The following SNRNP200 variants were observed in gnomAD, a reference collection of about 807,000 sequenced individuals.
SNRNP200 encodes the protein U5 small nuclear ribonucleoprotein 200 kDa helicase.
A neutral mutation model predicts 255.2 loss-of-function variants in SNRNP200; 66 were observed. That is an observed-to-expected ratio of 0.26 (90% CI 0.21 to 0.32). SNRNP200 has a LOEUF of 0.32. SNRNP200 is among the 10% of genes least tolerant of loss of function. The probability of loss-of-function intolerance (pLI) is 1.00; values close to 1 mark genes in which losing one functional copy is unlikely to be tolerated. For synonymous variants in SNRNP200, 939 were observed against 1,027.8 expected, an observed-to-expected ratio of 0.91 and a Z score of 1.65; for missense variants, 1,585 against 2,749.8, an observed-to-expected ratio of 0.58 and a Z score of 9.47.
Position 96,275,314 on chromosome 2 carries a change from A to G in SNRNP200, c.6210T>C (p.Asp2070=), listed in dbSNP as rs2104327396. The G allele has an allele frequency of 6.2e-7, 1 of 1,613,774 alleles. No individual in the cohort carries two copies. Among genetic ancestry groups the G allele is most frequent in the Non-Finnish European group, 8.5e-7 (1 of 1,180,034 alleles). ...TGGAGATGAGGCTATTGGACTTGGC[A>G]TCTCCAATCACCACCCACCAGCCCT... ...REEGWWVVIG[D]AKSNSLISIK... is the part of the protein sequence containing the mutation. Residue 2070 remains aspartate, a synonymous_variant, in exon 44 of 45, where the codon GAT becomes GAC. Transcript: ENST00000323853.
At position 96,278,898 on chromosome 2, in the gene SNRNP200, A is replaced by C; in HGVS notation, c.5234T>G (p.Ile1745Ser). ...HFNAEIVTKTIENKQDAVDYL... is the reference protein window; with the variant it reads ...HFNAEIVTKTSENKQDAVDYL... ...GTCCACAGCATCCTGCTTGTTCTCA[A>C]TGGTCTTGGTGACGATCTCAGCATT... Residue 1745 changes from isoleucine (I) to serine (S), a missense_variant, in exon 37 of 45, where the codon ATT becomes AGT. Coordinates refer to ENST00000323853, the MANE Select transcript of SNRNP200 (RefSeq NM_014014.5). This position sits in a 1 kb window ranked among gnomAD's most constrained non-coding sequence, Gnocchi z 6.9. 3 of 1,614,104 alleles carry C rather than the reference A, an allele frequency of 1.9e-6. No individual in the cohort carries two copies. Among genetic ancestry groups the C allele is most frequent in the Non-Finnish European group, 2.5e-6 (3 of 1,180,008 alleles).
intron 44 of SNRNP200, 49 bp from the exon 45 acceptor site, chr2:96,275,204 T>A: frequency 1.2e-6 from 2 of 1,614,024 alleles, no homozygotes; most frequent in Non-Finnish European, 1.7e-6. Context: ...CAGGAAGCAT[T>A]CTCACCCTTC....
rs776770253 is a variant in SNRNP200 at position 96,277,043 on chromosome 2, T to G, written c.6092+38A>C. On this transcript the variant is annotated intron_variant, in intron 42 of 44. Coordinates refer to ENST00000323853, the MANE Select transcript of SNRNP200 (RefSeq NM_014014.5). This position sits in a 1 kb window ranked among gnomAD's most constrained non-coding sequence, Gnocchi z 4.4. The stretch of plus-strand genomic sequence containing the variant: ...ATGGGGCAGTGGGCTCAGAGCACAC[T>G]ATTATGCTGTGCCCAACAGGCACCA... 1.2e-6 allele frequency: 2 copies of G among 1,613,780 alleles called. No homozygotes were observed. The highest frequency in any genetic ancestry group is 3.3e-5 in the Admixed American group (2 of 60,018).
chr2:96,286,175 G>A lies in SNRNP200; in HGVS notation c.4003+136C>T. On this transcript the variant is annotated intron_variant, in intron 29 of 44. Coordinates refer to ENST00000323853, the MANE Select transcript of SNRNP200 (RefSeq NM_014014.5). This position sits in a 1 kb window ranked among gnomAD's most constrained non-coding sequence, Gnocchi z 4.8. Reference sequence around the variant, plus strand: ...GCTTCTGACAAAGGAAAAAGTCCTGGTGGGTCCCAGCGGTCACACTGAGGA... The same window carrying A: ...GCTTCTGACAAAGGAAAAAGTCCTGATGGGTCCCAGCGGTCACACTGAGGA... The A allele has an allele frequency of 1.2e-6, 1 of 860,576 alleles. No homozygotes were observed. Among genetic ancestry groups the A allele is most frequent in the East Asian group, 2.4e-5 (1 of 41,096 alleles). 53.3% of individuals were successfully genotyped at this position (860,576 alleles called of 1,614,324 possible).
At position 96,295,755 on chromosome 2, in the gene SNRNP200, G is replaced by GT. The variant is rs950654983; in HGVS notation, c.1672-98dup. The GT allele has an allele frequency of 4.7e-6, 6 of 1,275,000 alleles. No homozygotes were observed. In the African/African-American group the frequency reaches 5.9e-5, roughly 13 times the overall value. 79.0% of individuals were successfully genotyped at this position (1,275,000 alleles called of 1,614,324 possible). A position where few individuals can be genotyped will look rare whatever the true frequency, so the allele number is the denominator to read the frequency against. ...TTGGAGTGTAGGGCATTGGGAGCAG[G>GT]TATCAACCCATCAGGTGAATACAAG... On this transcript the variant is annotated intron_variant, in intron 13 of 44. Transcript: ENST00000323853.
At position 96,277,431 on chromosome 2, in the gene SNRNP200, T is replaced by C; in HGVS notation, c.5931+108A>G. 7.1e-7 allele frequency: 1 copy of C among 1,407,980 alleles called. No individual in the cohort carries two copies. The highest frequency in any genetic ancestry group is 1.0e-6 in the Non-Finnish European group (1 of 1,000,242). The allele number at this position is 1,407,980 out of a possible 1,614,324, so 87.2% of individuals were successfully genotyped here. A position where few individuals can be genotyped will look rare whatever the true frequency, so the allele number is the denominator to read the frequency against. The stretch of plus-strand genomic sequence containing the variant: ...ACAGGGAGCACCTTCGGAGGAACCA[T>C]AACTAAAAGTTTAACTTACTGAGAC... On this transcript the variant is annotated intron_variant, in intron 41 of 44. Transcript: ENST00000323853. This position sits in a 1 kb window ranked among gnomAD's most constrained non-coding sequence, Gnocchi z 4.4.
chr2:96,290,355 T>G lies in SNRNP200; in HGVS notation c.2713A>C (p.Ile905Leu). The change falls in exon 20 of 45, where the codon ATC becomes CTC. Residue 905 changes from isoleucine to leucine, a missense_variant. Coordinates refer to ENST00000323853, the MANE Select transcript of SNRNP200 (RefSeq NM_014014.5). The surrounding 1 kb of genome is among the most constrained non-coding windows in gnomAD (Gnocchi z 4.5). ...GCATTCTGGACATTTCCTAGCACGA[T>G]TTCTGCATTGAGCATGTCAGGAAGC... The part of the protein sequence containing the change: ...SKLPDMLNAE[I>L]VLGNVQNAKD... 6.2e-7 allele frequency: 1 copy of G among 1,614,154 alleles called. No homozygotes were observed. Among genetic ancestry groups the G allele is most frequent in the Non-Finnish European group, 8.5e-7 (1 of 1,180,026 alleles).
At chr2:96,288,111 G>A (rs888400525) in intron 24 of SNRNP200, 142 bp from the exon 25 acceptor site, 14 of 748,248 alleles carry the variant, frequency 1.9e-5, no homozygotes, top group Admixed American at 7.9e-5. Flanking sequence ...CTGTCTTTAC[G>A]CCTTTCTCCG....
chr2:96,285,056 G>A (rs1409006954), intron 30 of SNRNP200, 124 bp downstream of exon 30: 1 of 1,216,230 alleles, frequency 8.2e-7, no homozygotes, highest in South Asian at 1.3e-5. Context: ...GGCTGGGGCA[G>A]CTTTTCTTTA....
In SNRNP200 at chr2:96,289,780, A is replaced by C. The variant is rs370860108; in HGVS notation, c.2940+19T>G. 3.1e-6 allele frequency: 5 copies of C among 1,613,378 alleles called. No homozygotes were observed. The highest frequency in any genetic ancestry group is 4.2e-6 in the Non-Finnish European group (5 of 1,179,882). The stretch of plus-strand genomic sequence containing the variant: ...AACTTTTGCTGAGACCTTTGCCTCA[A>C]AACCCTCACCCCACGCACCTGGAAG... On this transcript the variant is annotated intron_variant, in intron 21 of 44. Coordinates refer to ENST00000323853, the MANE Select transcript of SNRNP200 (RefSeq NM_014014.5).
Position 96,286,961 on chromosome 2 carries a change from G to A in SNRNP200, c.3639+45C>T. ...TCCATCTCCTCGGCCCAGCAACGTA[G>A]ACTGAGCACCTCCAATCCAGCACCT... On this transcript the variant is annotated intron_variant, in intron 27 of 44. Transcript: ENST00000323853. The surrounding 1 kb of genome is among the most constrained non-coding windows in gnomAD (Gnocchi z 4.8). The A allele has an allele frequency of 6.2e-7, 1 of 1,613,888 alleles. No individual in the cohort carries two copies. The highest frequency in any genetic ancestry group is 8.5e-7 in the Non-Finnish European group (1 of 1,179,788).
intron 43 of SNRNP200, 148 bp downstream of exon 43, chr2:96,276,756 C>T (rs1367909952): frequency 1.2e-6 from 1 of 858,544 alleles, no homozygotes; most frequent in Non-Finnish European, 2.0e-6. Context: ...GAAAAAAAAC[C>T]CCATAGCCTC....
chr2:96,276,764 C>A, intron 43 of SNRNP200, 140 bp downstream of exon 43: 1 of 894,600 alleles, frequency 1.1e-6, no homozygotes, highest in Non-Finnish European at 1.9e-6. Context: ...ACCCCATAGC[C>A]TCAAGATTAA....
At chr2:96,284,253 G>T (rs1254948389) in intron 31 of SNRNP200, 105 bp downstream of exon 31, 4 of 1,029,968 alleles carry the variant, frequency 3.9e-6, no homozygotes, top group Non-Finnish European at 6.0e-6. Context: ...GAATCCTCTG[G>T]GGAGAAGCCC....
chr2:96,283,131 G>T lies in SNRNP200; in HGVS notation c.4915+70C>A. On this transcript the variant is annotated intron_variant, in intron 34 of 44. Coordinates refer to ENST00000323853, the MANE Select transcript of SNRNP200 (RefSeq NM_014014.5). This position sits in a 1 kb window ranked among gnomAD's most constrained non-coding sequence, Gnocchi z 4.7. ...TGCTGTAGAGAAAACACTGCCACCC[G>T]CACCCCTCAAGTTTAACACCACCAC... The T allele has an allele frequency of 6.3e-7, 1 of 1,581,442 alleles. No homozygotes were observed. Among genetic ancestry groups the T allele is most frequent in the Non-Finnish European group, 8.7e-7 (1 of 1,155,952 alleles).
At position 96,284,022 on chromosome 2, in the gene SNRNP200, GGGAGGGT is replaced by G; in HGVS notation, c.4393-25_4393-19del. ...AAGACAGGCTGGAAAGAGGGAGGGAGGGAGGGTCACTGCAGGCCAAGGCTCCCATCCT... is the reference window on the plus strand; with the variant it reads ...AAGACAGGCTGGAAAGAGGGAGGGAGCACTGCAGGCCAAGGCTCCCATCCT... On this transcript the variant is annotated intron_variant, in intron 31 of 44. Coordinates refer to ENST00000323853, the MANE Select transcript of SNRNP200 (RefSeq NM_014014.5). 1.9e-6 allele frequency: 3 copies of G among 1,546,286 alleles called. No individual in the cohort carries two copies. The highest frequency in any genetic ancestry group is 2.6e-6 in the Non-Finnish European group (3 of 1,135,678).
chr2:96,281,534 T>C, intron 35 of SNRNP200: 1 of 415,730 alleles, frequency 2.4e-6, no homozygotes. Flanking sequence ...TTTCCTAATC[T>C]ACAAGATGTC....
rs746582158 is a variant in SNRNP200, at chr2:96,275,114, G to A, written c.6309C>T (p.Asn2103=). The change falls in exon 45 of 45, where the codon AAC becomes AAT. Residue 2103 remains asparagine (N), a synonymous_variant. Coordinates refer to ENST00000323853, the MANE Select transcript of SNRNP200 (RefSeq NM_014014.5). ...CGTCACTCATGAAGTACAGAGTGTA[G>A]TTGTGGGCACCAGTGGCTGGGGCCA... The part of the protein sequence containing the change: ...DFVAPATGAH[N]YTLYFMSDAY... The A allele has an allele frequency of 6.2e-6, 10 of 1,614,248 alleles. No homozygotes were observed. Among genetic ancestry groups the A allele is most frequent in the Middle Eastern group, 3.3e-4 (2 of 6,062 alleles).
rs142971592 is a variant in SNRNP200, at chr2:96,299,481, C to A, written c.631-54G>T. 157 of 1,424,386 alleles carry A rather than the reference C, an allele frequency of 1.1e-4. No homozygotes were observed. In the East Asian group the frequency reaches 3.4e-3, roughly 31 times the overall value. 88.2% of individuals were successfully genotyped at this position (1,424,386 alleles called of 1,614,324 possible). A position where few individuals can be genotyped will look rare whatever the true frequency, so the allele number is the denominator to read the frequency against. ...ATCTGGAGCTGATCCTGCATCACCA[C>A]AGAACCTCTCCCTCAAGTCACCCTA... On this transcript the variant is annotated intron_variant, in intron 5 of 44. Coordinates refer to ENST00000323853, the MANE Select transcript of SNRNP200 (RefSeq NM_014014.5).
Sources: allele counts gnomAD v4.1 joint callset, GRCh38; gene constraint gnomAD v4.1.1; non-coding constraint Gnocchi (gnomAD v3.1); transcripts MANE v1.5; gene names NCBI Gene and HGNC (gene_info 2026-07-23, HGNC 2026-07-21).